ZMAT4: variants seen among roughly 807,000 people sequenced by gnomAD.
ZMAT4 encodes zinc finger matrin-type protein 4.
A neutral mutation model predicts 28.7 loss-of-function variants in ZMAT4; 17 were observed. The ratio of observed to expected loss-of-function variants is 0.59; its 90% CI spans 0.41 to 0.89. ZMAT4 has a LOEUF of 0.89. Ranked by LOEUF, ZMAT4 falls within the 40% of genes least tolerant of loss-of-function variation. ZMAT4 has a pLI of 0.00. For synonymous variants in ZMAT4, 117 were observed against 109.2 expected (o/e 1.07, Z -0.44); for missense variants, 240 against 283.8 (o/e 0.85, Z 1.11).
At chr8:40,660,502 A>G (rs541097097) in intron 5 of ZMAT4, among the ~76,000 whole-genome samples, 1 of 152,216 alleles carries the variant, frequency 6.6e-6, no homozygotes, top group South Asian at 2.1e-4. Flanking sequence ...CCCGTTACAT[A>G]ATAACCACCT....
At chr8:40,597,921 C>T (rs1805156431) in intron 5 of ZMAT4, among the ~76,000 whole-genome samples, 1 of 152,110 alleles carries the variant, frequency 6.6e-6, no homozygotes, top group Non-Finnish European at 1.5e-5. Context: ...CAATTTAAAA[C>T]CAATGCTTAT....
intron 2 of ZMAT4, among the ~76,000 whole-genome samples, chr8:40,795,514 C>T (rs1201196612): frequency 1.3e-5 from 2 of 152,166 alleles, no homozygotes; most frequent in African/African-American, 4.8e-5. Flanking sequence ...TGTCCCTAGG[C>T]TGAGAGGAGA....
chr8:40,709,800 A>G (rs554436264), intron 3 of ZMAT4, among the ~76,000 whole-genome samples: 8 of 152,326 alleles, frequency 5.3e-5, no homozygotes, highest in Admixed American at 2.0e-4. Context: ...GGACTCTGGG[A>G]GGCTGAGGCT....
chr8:40,715,279 C>A (rs901278332), intron 3 of ZMAT4, among the ~76,000 whole-genome samples: 2 of 151,892 alleles, frequency 1.3e-5, no homozygotes, highest in African/African-American at 4.8e-5. Flanking sequence ...TGAGCTCAGG[C>A]AGTGATGGGG....
At chr8:40,634,485 A>G (rs1323161911) in intron 5 of ZMAT4, among the ~76,000 whole-genome samples, 1 of 152,224 alleles carries the variant, frequency 6.6e-6, no homozygotes, top group Non-Finnish European at 1.5e-5. Flanking sequence ...GAACACTCCT[A>G]TAACACCAAT....
intron 5 of ZMAT4, among the ~76,000 whole-genome samples, chr8:40,586,994 G>A (rs1472524510): frequency 6.6e-6 from 1 of 151,908 alleles, no homozygotes; most frequent in Non-Finnish European, 1.5e-5. Context: ...ACCAGACAAT[G>A]CTGATTAGCC....
chr8:40,797,417 CACA>C (rs1208731686), intron 2 of ZMAT4, among the ~76,000 whole-genome samples: 1 of 152,220 alleles, frequency 6.6e-6, no homozygotes, highest in Non-Finnish European at 1.5e-5. Flanking sequence ...CAGTGCTTGG[CACA>C]TTCTAAGAGC....
chr8:40,879,286 G>A (rs1469506583), intron 1 of ZMAT4, among the ~76,000 whole-genome samples: 1 of 152,142 alleles, frequency 6.6e-6, no homozygotes, highest in Non-Finnish European at 1.5e-5. Context: ...AGCCAGGCAT[G>A]GTGGCTCTCA....
intron 1 of ZMAT4, among the ~76,000 whole-genome samples, chr8:40,842,562 G>A (rs949756127): frequency 6.6e-6 from 1 of 152,132 alleles, no homozygotes; most frequent in Non-Finnish European, 1.5e-5. Flanking sequence ...GTGCCTGCCT[G>A]CACTCTTCCA....
At chr8:40,856,106 G>C (rs1042231350) in intron 1 of ZMAT4, among the ~76,000 whole-genome samples, 1 of 152,162 alleles carries the variant, frequency 6.6e-6, no homozygotes, top group African/African-American at 2.4e-5. Context: ...AGGCCCACAG[G>C]ACAGGCAGAG....
intron 3 of ZMAT4, among the ~76,000 whole-genome samples, chr8:40,720,417 G>T (rs1254565889): frequency 6.6e-6 from 1 of 151,852 alleles, no homozygotes; most frequent in African/African-American, 2.4e-5. Context: ...CCTCCTCCTT[G>T]CTGTAATCAT....
intron 3 of ZMAT4, among the ~76,000 whole-genome samples, chr8:40,703,162 T>TA (rs1810216947): frequency 6.6e-6 from 1 of 152,206 alleles, no homozygotes; most frequent in Non-Finnish European, 1.5e-5. Context: ...CAGCATTTGC[T>TA]AATTCAGTGT....
intron 5 of ZMAT4, among the ~76,000 whole-genome samples, chr8:40,615,378 T>C (rs1296202676): frequency 6.6e-6 from 1 of 152,194 alleles, no homozygotes; most frequent in Non-Finnish European, 1.5e-5. Flanking sequence ...TCATTTCAAC[T>C]TTGGTGAATC....
chr8:40,564,974 C>T (rs528649156), intron 6 of ZMAT4, among the ~76,000 whole-genome samples: 32 of 152,284 alleles, frequency 2.1e-4, no homozygotes, highest in African/African-American at 7.5e-4. Flanking sequence ...CAGTCTTACT[C>T]TTTTATCTGT....
At position 40,846,388 on chromosome 8, in the gene ZMAT4, G is replaced by A. The variant is rs534086059; in HGVS notation, c.-4-20708C>T. Among the ~76,000 whole-genome samples, 4 of 152,330 alleles carry A rather than the reference G, an allele frequency of 2.6e-5. No homozygotes were observed. The South Asian group carries it at 8.3e-4, about 32-fold the overall frequency. On this transcript the variant is annotated intron_variant, in intron 1 of 6. Coordinates refer to ENST00000297737, the MANE Select transcript of ZMAT4 (RefSeq NM_024645.3). The stretch of plus-strand genomic sequence containing the variant: ...GGAGAGCAAAGGCGCAGAGCTCAGG[G>A]CTGGGACAGCAGAGCTCTGGTCCGC...
At chr8:40,734,840 T>G (rs1323624215) in intron 3 of ZMAT4, among the ~76,000 whole-genome samples, 2 of 152,148 alleles carry the variant, frequency 1.3e-5, no homozygotes, top group African/African-American at 2.4e-5. Flanking sequence ...GTCCAAAATT[T>G]AAAAAAATCT....
At chr8:40,756,995 G>A (rs1270466394) in intron 3 of ZMAT4, among the ~76,000 whole-genome samples, 1 of 152,078 alleles carries the variant, frequency 6.6e-6, no homozygotes, top group African/African-American at 2.4e-5. Flanking sequence ...TTCTCCCTGA[G>A]GCACCTTACA....
At chr8:40,804,344 C>T (rs1292161991) in intron 2 of ZMAT4, among the ~76,000 whole-genome samples, 1 of 152,104 alleles carries the variant, frequency 6.6e-6, no homozygotes, top group East Asian at 1.9e-4. Flanking sequence ...GCAGGGGATA[C>T]ATGAGAAATC....
intron 1 of ZMAT4, among the ~76,000 whole-genome samples, chr8:40,895,615 C>T (rs2150674962): frequency 6.6e-6 from 1 of 152,170 alleles, no homozygotes; most frequent in East Asian, 1.9e-4. Flanking sequence ...TTTCCAAGGC[C>T]CCCTCCGCCC....
Sources: allele counts gnomAD v4.1 joint callset (sites outside exome capture counted in the v4.1 genomes callset), GRCh38; gene constraint gnomAD v4.1.1; transcripts MANE v1.5; gene names NCBI Gene and HGNC (gene_info 2026-07-23, HGNC 2026-07-21).